ANKRD11: variants seen among roughly 807,000 people sequenced by gnomAD.
ANKRD11 encodes ankyrin repeat domain-containing protein 11.
Under a neutral mutation model 195.7 loss-of-function variants are expected in ANKRD11, and 17 were observed. The observed-to-expected ratio is 0.09, with a 90% CI of 0.06 to 0.13. ANKRD11 has a LOEUF of 0.13. ANKRD11 is among the 10% of genes least tolerant of loss of function. The pLI, the probability that ANKRD11 is intolerant of heterozygous loss-of-function variation, is 1.00. For synonymous variants in ANKRD11, 1,953 were observed against 1,528.1 expected (o/e 1.28, Z -6.49); for missense variants, 3,735 against 3,566.1 (o/e 1.05, Z -1.21).
At chr16:89,343,131 G>T (rs2038770418) in intron 2 of ANKRD11, among the ~76,000 whole-genome samples, 1 of 152,174 alleles carries the variant, frequency 6.6e-6, no homozygotes, top group African/African-American at 2.4e-5. Flanking sequence ...TGGGATTACA[G>T]GTGTGTGCCA....
intron 2 of ANKRD11, among the ~76,000 whole-genome samples, chr16:89,373,810 T>C (rs1486474587): frequency 6.6e-6 from 1 of 152,228 alleles, no homozygotes; most frequent in East Asian, 1.9e-4. Flanking sequence ...CAGACGCCTG[T>C]GTAGGGTTAC....
At chr16:89,403,336 G>C (rs1023519432) in intron 2 of ANKRD11, among the ~76,000 whole-genome samples, 1 of 152,128 alleles carries the variant, frequency 6.6e-6, no homozygotes, top group African/African-American at 2.4e-5. Context: ...CCTCCTGACT[G>C]GCCCCAGCAC....
chr16:89,377,348 G>A (rs1711842633), intron 2 of ANKRD11, among the ~76,000 whole-genome samples: 1 of 152,126 alleles, frequency 6.6e-6, no homozygotes, highest in South Asian at 2.1e-4. Context: ...AGAAAGCCAT[G>A]AAAGCTGTCA....
chr16:89,349,134 TAAAAAAAAAAA>T (rs59621400), intron 2 of ANKRD11, among the ~76,000 whole-genome samples: 40 of 16,582 alleles, frequency 2.4e-3, no homozygotes, highest in South Asian at 7.1e-3. Flanking sequence ...TCTCAAAAAG[TAAAAAAAAAAA>T]AAAAAAAAAA....
At chr16:89,476,305 A>G (rs928673939) in intron 1 of ANKRD11, among the ~76,000 whole-genome samples, 5 of 152,066 alleles carry the variant, frequency 3.3e-5, no homozygotes, top group African/African-American at 7.3e-5. Flanking sequence ...ACCCACCACA[A>G]TCGGGATGGT....
intron 1 of ANKRD11, among the ~76,000 whole-genome samples, chr16:89,470,632 T>A (rs1259254357): frequency 6.6e-6 from 1 of 151,724 alleles, no homozygotes; most frequent in African/African-American, 2.4e-5. Flanking sequence ...GATCACAAGG[T>A]CAGGAGATCG....
chr16:89,279,948 C>T lies in ANKRD11; in HGVS notation c.6594G>A (p.Arg2198=), dbSNP rs981323228. 3 of 1,609,866 alleles carry T rather than the reference C, an allele frequency of 1.9e-6. No homozygotes were observed. The African/African-American group carries it at 4.0e-5, about 21-fold the overall frequency. ...PALPPDQAST[R]LPAELEPEPS... ...GCTCAGGCTCGAGCTCTGCAGGGAG[C>T]CGGGTGGAGGCCTGGTCAGGAGGCA... is the stretch of plus-strand genomic sequence containing the variant. The change falls in exon 9 of 13, where the codon CGG becomes CGA. Residue 2198 remains arginine (R), a synonymous_variant. Coordinates refer to ENST00000301030, the MANE Select transcript of ANKRD11 (RefSeq NM_013275.6). The surrounding 1 kb of genome is among the most constrained non-coding windows in gnomAD (Gnocchi z 5.6).
intron 9 of ANKRD11, chr16:89,278,473 G>A (rs1829041980): frequency 2.2e-6 from 1 of 453,904 alleles, no homozygotes; most frequent in Non-Finnish European, 4.4e-6. Context: ...GTGATTCCGA[G>A]ATGTTTCACC....
chr16:89,436,696 C>G (rs1040639606), intron 1 of ANKRD11, among the ~76,000 whole-genome samples: 2 of 152,176 alleles, frequency 1.3e-5, no homozygotes, highest in Admixed American at 6.5e-5. Flanking sequence ...AAGTAACTCT[C>G]AACACTGACA....
chr16:89,317,201 G>A, intron 2 of ANKRD11, 123 bp from the exon 3 acceptor site: 1 of 754,924 alleles, frequency 1.3e-6, no homozygotes, highest in Admixed American at 2.1e-5. Flanking sequence ...ATCAGGGCTG[G>A]GGCCCGGGCC....
At chr16:89,271,703 G>C (rs1222001017) in intron 11 of ANKRD11, 4 of 152,684 alleles carry the variant, frequency 2.6e-5, no homozygotes, top group African/African-American at 9.6e-5. Flanking sequence ...TCGCAGAAGA[G>C]TGAAACGAGA....
At chr16:89,407,418 C>T (rs1377955160) in intron 2 of ANKRD11, among the ~76,000 whole-genome samples, 2 of 152,214 alleles carry the variant, frequency 1.3e-5, no homozygotes, top group South Asian at 2.1e-4. Flanking sequence ...GCTGCCTCCC[C>T]AGGCCCTTCC....
At chr16:89,354,465 G>A (rs2152038726) in intron 2 of ANKRD11, among the ~76,000 whole-genome samples, 1 of 152,328 alleles carries the variant, frequency 6.6e-6, no homozygotes, top group East Asian at 1.9e-4. Context: ...CCACCTCCCT[G>A]CACCAGTGGA....
At chr16:89,486,694 T>C (rs2057625928) in intron 1 of ANKRD11, among the ~76,000 whole-genome samples, 1 of 152,032 alleles carries the variant, frequency 6.6e-6, no homozygotes. Context: ...CAGTCACCAT[T>C]TGGGACGTTA....
intron 2 of ANKRD11, among the ~76,000 whole-genome samples, chr16:89,336,186 G>T (rs2038343757): frequency 6.6e-6 from 1 of 152,220 alleles, no homozygotes; most frequent in South Asian, 2.1e-4. Context: ...CTGGAGCTCA[G>T]AGCCACTGTC....
At chr16:89,330,886 G>A (rs780800625) in intron 2 of ANKRD11, among the ~76,000 whole-genome samples, 1 of 152,144 alleles carries the variant, frequency 6.6e-6, no homozygotes, top group African/African-American at 2.4e-5. Flanking sequence ...TAATTTGACT[G>A]TACAGTTCTA....
chr16:89,402,158 T>C (rs2041719639), intron 2 of ANKRD11, among the ~76,000 whole-genome samples: 1 of 152,176 alleles, frequency 6.6e-6, no homozygotes, highest in Admixed American at 6.5e-5. Context: ...GTGTAACTTT[T>C]AGAGTAAGGA....
At chr16:89,423,759 G>T (rs149388404) in intron 1 of ANKRD11, among the ~76,000 whole-genome samples, 1 of 152,230 alleles carries the variant, frequency 6.6e-6, no homozygotes, top group Non-Finnish European at 1.5e-5. Flanking sequence ...GTAAGAAAAC[G>T]TTTTAAATGG....
At chr16:89,415,409 C>T (rs916353534) in intron 2 of ANKRD11, among the ~76,000 whole-genome samples, 14 of 150,118 alleles carry the variant, frequency 9.3e-5, no homozygotes, top group Admixed American at 4.6e-4. Flanking sequence ...GGACTACAGG[C>T]GCCTGCCACC....
Sources: gnomAD v4.1 joint callset for allele counts (sites outside exome capture counted in the v4.1 genomes callset) on GRCh38, gnomAD v4.1.1 for gene constraint, Gnocchi (gnomAD v3.1) non-coding constraint, MANE v1.5 for transcripts, NCBI Gene and HGNC (gene_info 2026-07-23, HGNC 2026-07-21) for gene names.